TOPAZ1: variants seen among roughly 807,000 people sequenced by gnomAD.
TOPAZ1 encodes protein TOPAZ1.
Under a neutral mutation model 172.2 loss-of-function variants are expected in TOPAZ1, and 66 were observed. The observed-to-expected ratio is 0.38, with a 90% CI of 0.31 to 0.47. TOPAZ1 has a LOEUF of 0.47. Ranked by LOEUF, TOPAZ1 falls within the 20% of genes least tolerant of loss-of-function variation. TOPAZ1 has a pLI of 0.99. For synonymous variants in TOPAZ1, 681 were observed against 683.9 expected (o/e 1.00, Z 0.07); for missense variants, 1,822 against 1,972.4 (o/e 0.92, Z 1.44).
chr3:44,305,650 A>T (rs761395950), intron 14 of TOPAZ1, among the ~76,000 whole-genome samples: 1 of 152,192 alleles, frequency 6.6e-6, no homozygotes, highest in African/African-American at 2.4e-5. Context: ...TATTACAGAC[A>T]TAAGTCACAG....
intron 16 of TOPAZ1, among the ~76,000 whole-genome samples, chr3:44,318,579 G>T (rs1431241971): frequency 1.3e-5 from 2 of 151,816 alleles, no homozygotes; most frequent in African/African-American, 4.8e-5. Flanking sequence ...CCTTGTACGG[G>T]CCTCAGTTTC....
intron 12 of TOPAZ1, among the ~76,000 whole-genome samples, chr3:44,301,536 G>C (rs1700272378): frequency 6.6e-6 from 1 of 152,156 alleles, no homozygotes; most frequent in Admixed American, 6.5e-5. Flanking sequence ...CTAACATAAT[G>C]TGTTAGAATG....
rs1365088045 is a variant in TOPAZ1, at chr3:44,323,162, T to G, written c.4542T>G (p.Ser1514Arg). The change falls in exon 18 of 20, where the codon AGT becomes AGG. Residue 1514 changes from serine (S) to arginine (R), a missense_variant. Ser to Arg is a moderately radical substitution (Grantham distance 110). Transcript: ENST00000309765. ...KLLGSCIESSSLGMSSSVAEF... is the reference protein window; with the variant it reads ...KLLGSCIESSRLGMSSSVAEF... The stretch of plus-strand genomic sequence containing the variant: ...TAGGTTCCTGTATAGAAAGCAGTAG[T>G]CTTGGTATGTCATCCTCTGTGGCAG... 2 of 1,550,236 alleles carry G rather than the reference T, an allele frequency of 1.3e-6. No homozygotes were observed. The highest frequency in any genetic ancestry group is 1.7e-6 in the Non-Finnish European group (2 of 1,146,036).
At chr3:44,296,163 C>T (rs779467050) in intron 12 of TOPAZ1, among the ~76,000 whole-genome samples, 14 of 152,012 alleles carry the variant, frequency 9.2e-5, no homozygotes, top group Non-Finnish European at 1.6e-4. Context: ...ACTGTTAGAA[C>T]TGAATAAAAA....
intron 12 of TOPAZ1, among the ~76,000 whole-genome samples, chr3:44,302,529 T>G (rs778422306): frequency 2.0e-5 from 3 of 152,240 alleles, no homozygotes; most frequent in Non-Finnish European, 4.4e-5. Flanking sequence ...TGTATTTTAT[T>G]CCACTGGACT....
intron 5 of TOPAZ1, 79 bp downstream of exon 5, chr3:44,262,562 C>A: frequency 1.4e-6 from 1 of 737,050 alleles, no homozygotes; most frequent in Non-Finnish European, 2.2e-6. Flanking sequence ...TTTTTATTCT[C>A]TGCTGTTTAT....
At position 44,331,823 on chromosome 3, in the gene TOPAZ1, G is replaced by A. The variant is rs1424849803; in HGVS notation, c.4891G>A (p.Asp1631Asn). The A allele has an allele frequency of 6.4e-7, 1 of 1,552,066 alleles. No individual in the cohort carries two copies. Among genetic ancestry groups the A allele is most frequent in the South Asian group, 1.2e-5 (1 of 84,048 alleles). ...CEDNQSRSND[D>N]YQAAVERLIM... The stretch of plus-strand genomic sequence containing the variant: ...AGACAACCAGTCTCGGAGCAATGAT[G>A]ATTATCAAGCTGCAGTAGAAAGGTT... Residue 1631 changes from aspartate (D) to asparagine (N), a missense_variant, in exon 20 of 20, where the codon GAT becomes AAT. Asp to Asn is a conservative substitution (Grantham distance 23). This residue lies in a region of TOPAZ1 where 333 missense variants were observed against 481.7 expected (regional missense o/e 0.69). Transcript: ENST00000309765.
intron 8 of TOPAZ1, among the ~76,000 whole-genome samples, chr3:44,273,711 C>G (rs1221448483): frequency 6.6e-6 from 1 of 152,136 alleles, no homozygotes; most frequent in Non-Finnish European, 1.5e-5. Context: ...AGACTATGCA[C>G]TAAGACCACT....
intron 4 of TOPAZ1, among the ~76,000 whole-genome samples, chr3:44,259,613 A>G (rs1396028227): frequency 2.0e-5 from 3 of 152,320 alleles, no homozygotes; most frequent in South Asian, 2.1e-4. Context: ...GGCATTTTGC[A>G]TATGTGCAAG....
At position 44,241,995 on chromosome 3, in the gene TOPAZ1, C is replaced by T; in HGVS notation, c.-59C>T. 3 of 1,479,674 alleles carry T rather than the reference C, an allele frequency of 2.0e-6. No individual in the cohort carries two copies. The highest frequency in any genetic ancestry group is 2.5e-5 in the East Asian group (1 of 40,338). The allele number at this position is 1,479,674 out of a possible 1,614,324, so 91.7% of individuals were successfully genotyped here. ...CCTCCAGGCGGGAGCAGCGTTTGCA[C>T]CGCGGTGGGTTCCTGCGAGCTGGTG... On this transcript the variant is annotated 5_prime_UTR_variant, in exon 1 of 20. Coordinates refer to ENST00000309765, the MANE Select transcript of TOPAZ1 (RefSeq NM_001145030.2).
chr3:44,312,246 AAAC>A (rs1287202707), intron 16 of TOPAZ1, among the ~76,000 whole-genome samples: 9 of 151,994 alleles, frequency 5.9e-5, no homozygotes, highest in African/African-American at 2.2e-4. Context: ...AAAAAAAAAA[AAAC>A]ACAGGAATGT....
At chr3:44,277,694 G>A (rs1699977933) in intron 8 of TOPAZ1, among the ~76,000 whole-genome samples, 1 of 152,200 alleles carries the variant, frequency 6.6e-6, no homozygotes. Flanking sequence ...AGGTGTTTGG[G>A]TGATGGGGGT....
chr3:44,309,877 T>C lies in TOPAZ1; in HGVS notation c.4193T>C (p.Leu1398Ser), dbSNP rs772677963. 6 of 1,547,174 alleles carry C rather than the reference T, an allele frequency of 3.9e-6. No individual in the cohort carries two copies. The highest frequency in any genetic ancestry group is 1.2e-5 in the South Asian group (1 of 83,646). The change falls in exon 16 of 20, where the codon TTA (leucine) becomes TCA (serine). Residue 1398 changes from leucine (L) to serine (S), a missense_variant. By Grantham distance (145) the Leu-to-Ser change is moderately radical. This residue lies in a region of TOPAZ1 where 333 missense variants were observed against 481.7 expected (regional missense o/e 0.69). Coordinates refer to ENST00000309765, the MANE Select transcript of TOPAZ1 (RefSeq NM_001145030.2). ...GAATTAAAAATACACTTTACAAGTT[T>C]AAAAGGACTTATAGGGCCTGAGAAG... The part of the protein sequence containing the change: ...LYELKIHFTS[L>S]KGLIGPEKLA...
chr3:44,299,196 C>T (rs187194591), intron 12 of TOPAZ1, among the ~76,000 whole-genome samples: 3 of 151,838 alleles, frequency 2.0e-5, no homozygotes, highest in Admixed American at 2.0e-4. Flanking sequence ...GCTGAGATTA[C>T]AGGCATGAGC....
At chr3:44,314,425 A>G (rs1402821275) in intron 16 of TOPAZ1, among the ~76,000 whole-genome samples, 1 of 152,194 alleles carries the variant, frequency 6.6e-6, no homozygotes, top group Non-Finnish European at 1.5e-5. Flanking sequence ...AATCAATACT[A>G]ACCCCATAAC....
At chr3:44,245,632 G>C (rs537819525) in intron 2 of TOPAZ1, among the ~76,000 whole-genome samples, 1 of 141,172 alleles carries the variant, frequency 7.1e-6, no homozygotes, top group South Asian at 2.5e-4. Context: ...TGCCTCCCAG[G>C]TTCACCCCAT....
intron 16 of TOPAZ1, among the ~76,000 whole-genome samples, chr3:44,310,509 A>G (rs1010816851): frequency 1.3e-5 from 2 of 152,150 alleles, no homozygotes; most frequent in African/African-American, 2.4e-5. Context: ...AGAAAAAAAA[A>G]AGCAAAACCT....
At chr3:44,285,701 G>A (rs1575721029) in intron 9 of TOPAZ1, among the ~76,000 whole-genome samples, 1 of 151,494 alleles carries the variant, frequency 6.6e-6, no homozygotes, top group Non-Finnish European at 1.5e-5. Flanking sequence ...TCCCTGAGTA[G>A]CTGTGACTAC....
rs1186113271 is a variant in TOPAZ1, at chr3:44,277,895, C to G, written c.3373-4073C>G. ...AAACTTCCTCAGGCCTCCCTAGAAG[C>G]TGAGCAGATGCCAGCACCATGCTTC... On this transcript the variant is annotated intron_variant, in intron 8 of 19. Transcript: ENST00000309765. Among the ~76,000 whole-genome samples the G allele has an allele frequency of 3.3e-5, 5 of 152,324 alleles. No homozygotes were observed. In the East Asian group the frequency reaches 7.7e-4, roughly 24 times the overall value.
Sources: gnomAD v4.1 joint callset for allele counts (sites outside exome capture counted in the v4.1 genomes callset) on GRCh38, gnomAD v4.1.1 for gene constraint, gnomAD v4.1.1 regional missense constraint, MANE v1.5 for transcripts, NCBI Gene and HGNC (gene_info 2026-07-23, HGNC 2026-07-21) for gene names.